The following CFTR variants were observed in gnomAD, a reference collection of about 807,000 sequenced individuals.
CFTR encodes the protein cystic fibrosis transmembrane conductance regulator.
A neutral mutation model predicts 171.6 loss-of-function variants in CFTR; 181 were observed. That is an observed-to-expected ratio of 1.05 (90% CI 0.93 to 1.19). The LOEUF (loss-of-function observed/expected upper bound fraction) is 1.19, where lower values mean the gene tolerates loss of function less well. CFTR is among the 50% of genes most tolerant of loss of function. The pLI is 0.00. For synonymous variants in CFTR, 583 were observed against 608.0 expected (o/e 0.96, Z 0.60); for missense variants, 1,968 against 1,734.7 (o/e 1.13, Z -2.39).
At position 117,649,510 on chromosome 7, in the gene CFTR, TA is replaced by T. The variant is rs1562925222; in HGVS notation, c.3874-3331del. On this transcript the variant is annotated intron_variant, in intron 23 of 26. Transcript: ENST00000003084. ...GTGTGTGTGTGTGTATATATATATA[TA>T]TATATATATTTTTTTTTTCCTGAGC... is the stretch of plus-strand genomic sequence containing the variant. Among the ~76,000 whole-genome samples the T allele has an allele frequency of 1.2e-3, 167 of 133,954 alleles. 1 individual carries two copies. The highest frequency in any genetic ancestry group is 4.3e-3 in the African/African-American group (152 of 35,288). 87.9% of individuals were successfully genotyped at this position (133,954 alleles called of 152,430 possible).
At chr7:117,615,638 C>A (rs1792474589) in intron 21 of CFTR, among the ~76,000 whole-genome samples, 1 of 151,418 alleles carries the variant, frequency 6.6e-6, no homozygotes, top group Non-Finnish European at 1.5e-5. Flanking sequence ...TGTGTTATTT[C>A]TCTTGTTTTG....
chr7:117,568,433 G>A (rs1791638000), intron 11 of CFTR, among the ~76,000 whole-genome samples: 1 of 152,012 alleles, frequency 6.6e-6, no homozygotes, highest in Non-Finnish European at 1.5e-5. Context: ...TTTAGGTGAG[G>A]GATGATAATG....
Position 117,613,997 on chromosome 7 carries a change from A to ATGT in CFTR, c.3368-615_3368-614insGTT, listed in dbSNP as rs1468130932. Among the ~76,000 whole-genome samples the ATGT allele has an allele frequency of 5.6e-4, 74 of 132,010 alleles. 1 individual carries two copies. Among genetic ancestry groups the ATGT allele is most frequent in the African/African-American group, 2.0e-3 (67 of 33,380 alleles). The allele number at this position is 132,010 out of a possible 152,430, so 86.6% of individuals were successfully genotyped here. A position where few individuals can be genotyped will look rare whatever the true frequency, so the allele number is the denominator to read the frequency against. Reference sequence around the variant, plus strand: ...AGTGTTGTTCTTCCCAGGTACAGTAATCTTTTTTTTTTTTTTTTTTTTTTT... The same window carrying ATGT: ...AGTGTTGTTCTTCCCAGGTACAGTAATGTTCTTTTTTTTTTTTTTTTTTTTTTT... On this transcript the variant is annotated intron_variant, in intron 20 of 26. Coordinates refer to ENST00000003084, the MANE Select transcript of CFTR (RefSeq NM_000492.4).
In CFTR at chr7:117,611,649, C is replaced by T. The variant is rs202179988; in HGVS notation, c.3208C>T (p.Arg1070Trp). Residue 1070 changes from arginine to tryptophan, a missense_variant, in exon 20 of 27, where the codon CGG (arginine) becomes TGG (tryptophan). Coordinates refer to ENST00000003084, the MANE Select transcript of CFTR (RefSeq NM_000492.4). ...KGLWTLRAFGRQPYFETLFHK... is the reference protein window; with the variant it reads ...KGLWTLRAFGWQPYFETLFHK... ...ACTATGGACACTTCGTGCCTTCGGACGGCAGCCTTACTTTGAAACTCTGTT... is the reference window on the plus strand; with the variant it reads ...ACTATGGACACTTCGTGCCTTCGGATGGCAGCCTTACTTTGAAACTCTGTT... The T allele has an allele frequency of 8.0e-5, 129 of 1,613,480 alleles. No individual in the cohort carries two copies. The highest frequency in any genetic ancestry group is 9.9e-5 in the Non-Finnish European group (117 of 1,179,690).
chr7:117,636,382 T>C (rs910245451), intron 22 of CFTR, among the ~76,000 whole-genome samples: 7 of 152,180 alleles, frequency 4.6e-5, no homozygotes, highest in African/African-American at 1.7e-4. Flanking sequence ...TTTTTTGGCA[T>C]TATTCTGCTT....
At chr7:117,508,989 A>G (rs1007821554) in intron 2 of CFTR, 45 bp from the exon 3 acceptor site, 2 of 1,159,148 alleles carry the variant, frequency 1.7e-6, no homozygotes, top group Non-Finnish European at 2.6e-6. Flanking sequence ...CAACTAAAAT[A>G]TTTGCACATG....
intron 15 of CFTR, among the ~76,000 whole-genome samples, chr7:117,597,598 T>C (rs1792153339): frequency 6.6e-6 from 1 of 152,266 alleles, no homozygotes. Flanking sequence ...ACAGCTGCTC[T>C]AGATATTTTA....
chr7:117,573,723 G>C (rs1230220509), intron 11 of CFTR, among the ~76,000 whole-genome samples: 1 of 152,054 alleles, frequency 6.6e-6, no homozygotes, highest in Non-Finnish European at 1.5e-5. Flanking sequence ...AGGATGGTTT[G>C]AAAGAAAGGT....
rs531197946 is a variant in CFTR, at chr7:117,490,490, C to T, written c.53+10343C>T. Among the ~76,000 whole-genome samples the T allele has an allele frequency of 5.3e-5, 8 of 152,110 alleles. No individual in the cohort carries two copies. The East Asian group carries it at 1.4e-3, about 26-fold the overall frequency. Reference sequence around the variant, plus strand: ...CTGAAGGCAGTCTGTTGGGGAATTTCGTCCTTCTCTGGGAGGCCAGCCTTT... The same window carrying T: ...CTGAAGGCAGTCTGTTGGGGAATTTTGTCCTTCTCTGGGAGGCCAGCCTTT... On this transcript the variant is annotated intron_variant, in intron 1 of 26. Coordinates refer to ENST00000003084, the MANE Select transcript of CFTR (RefSeq NM_000492.4).
chr7:117,572,359 T>A (rs1377836687), intron 11 of CFTR, among the ~76,000 whole-genome samples: 1 of 152,170 alleles, frequency 6.6e-6, no homozygotes, highest in Non-Finnish European at 1.5e-5. Flanking sequence ...CTAGTGGTGA[T>A]TAATCTTTAG....
chr7:117,649,860 T>C (rs754039432), intron 23 of CFTR, among the ~76,000 whole-genome samples: 4 of 152,116 alleles, frequency 2.6e-5, no homozygotes, highest in African/African-American at 9.7e-5. Flanking sequence ...TTATTTGGTA[T>C]TGAGGATCAG....
chr7:117,618,900 G>T (rs1193881599), intron 21 of CFTR, among the ~76,000 whole-genome samples: 1 of 152,090 alleles, frequency 6.6e-6, no homozygotes, highest in African/African-American at 2.4e-5. Context: ...ATTCCTATTG[G>T]AACACCCCAT....
intron 1 of CFTR, among the ~76,000 whole-genome samples, chr7:117,500,143 G>A (rs1350903275): frequency 6.6e-6 from 1 of 151,988 alleles, no homozygotes; most frequent in African/African-American, 2.4e-5. Context: ...TCAAAAGAAA[G>A]GGTGGCTGGA....
chr7:117,553,074 G>A (rs990651400), intron 10 of CFTR, among the ~76,000 whole-genome samples: 2 of 152,110 alleles, frequency 1.3e-5, no homozygotes, highest in Non-Finnish European at 2.9e-5. Flanking sequence ...GAAGACAGCT[G>A]GCTATCCAGG....
chr7:117,493,412 G>A (rs1207759327), intron 1 of CFTR, among the ~76,000 whole-genome samples: 1 of 152,044 alleles, frequency 6.6e-6, no homozygotes, highest in African/African-American at 2.4e-5. Context: ...GGCTTTTGAG[G>A]TAGAGTCTTA....
At chr7:117,487,802 G>A (rs543447891) in intron 1 of CFTR, 3 of 152,218 alleles carry the variant, frequency 2.0e-5, no homozygotes, top group African/African-American at 4.8e-5. Context: ...TCAGACAAAT[G>A]TGTGAAAATT....
At chr7:117,618,490 A>ACC (rs1792527910) in intron 21 of CFTR, among the ~76,000 whole-genome samples, 1 of 151,912 alleles carries the variant, frequency 6.6e-6, no homozygotes. Flanking sequence ...ACACACACAC[A>ACC]CACACACACA....
intron 23 of CFTR, among the ~76,000 whole-genome samples, chr7:117,649,781 T>C (rs1793060590): frequency 6.6e-6 from 1 of 152,126 alleles, no homozygotes; most frequent in Non-Finnish European, 1.5e-5. Context: ...AATGCACATA[T>C]AATCTTAATA....
At chr7:117,533,847 C>T (rs1584786227) in intron 4 of CFTR, among the ~76,000 whole-genome samples, 1 of 150,690 alleles carries the variant, frequency 6.6e-6, no homozygotes, top group Non-Finnish European at 1.5e-5. Context: ...TCATCATATA[C>T]TTTTATTGAC....
Sources: gnomAD v4.1 joint callset for allele counts (sites outside exome capture counted in the v4.1 genomes callset) on GRCh38, gnomAD v4.1.1 for gene constraint, MANE v1.5 for transcripts, NCBI Gene and HGNC (gene_info 2026-07-23, HGNC 2026-07-21) for gene names.